The following BABAM2 variants were observed in gnomAD, a reference collection of about 807,000 sequenced individuals.
BABAM2 encodes the protein BRISC and BRCA1 A complex member 2.
In BABAM2, 31 loss-of-function variants were observed where a neutral mutation model predicts 54.7. That is an observed-to-expected ratio of 0.57 (90% CI 0.43 to 0.77). The LOEUF (loss-of-function observed/expected upper bound fraction) is 0.77, where lower values mean the gene tolerates loss of function less well. Among genes scored for constraint, BABAM2 ranks in the 30% least tolerant of loss-of-function variants. BABAM2 has a pLI of 0.00. For missense variants in BABAM2, 364 were observed against 455.8 expected, an observed-to-expected ratio of 0.80 and a Z score of 1.83; for synonymous variants, 167 against 162.9, an observed-to-expected ratio of 1.03 and a Z score of -0.19.
chr2:28,072,413 T>TCTCGCTCTGTCACC (rs1664236690), intron 6 of BABAM2, among the ~76,000 whole-genome samples: 1 of 147,476 alleles, frequency 6.8e-6, no homozygotes, highest in East Asian at 2.0e-4. Flanking sequence ...TGAGGCGGAG[T>TCTCGCTCTGTCACC]CTCGCTCTGT....
At chr2:27,919,034 T>G (rs1667178882) in intron 2 of BABAM2, among the ~76,000 whole-genome samples, 1 of 152,150 alleles carries the variant, frequency 6.6e-6, no homozygotes, top group Non-Finnish European at 1.5e-5. Flanking sequence ...CTCTGTTCAT[T>G]TATTTGTTTA....
At chr2:28,314,105 T>A (rs1572400195) in intron 11 of BABAM2, among the ~76,000 whole-genome samples, 1 of 152,194 alleles carries the variant, frequency 6.6e-6, no homozygotes, top group African/African-American at 2.4e-5. Context: ...TTTCTCAGAA[T>A]AAACAATGGG....
intron 7 of BABAM2, among the ~76,000 whole-genome samples, chr2:28,133,915 G>C (rs1030183651): frequency 2.6e-5 from 4 of 152,144 alleles, no homozygotes; most frequent in African/African-American, 9.7e-5. Flanking sequence ...GTTTGCCCAG[G>C]GTCGTGGAAT....
intron 6 of BABAM2, among the ~76,000 whole-genome samples, chr2:28,047,995 A>G (rs1677722279): frequency 6.6e-6 from 1 of 152,258 alleles, no homozygotes; most frequent in South Asian, 2.1e-4. Flanking sequence ...GAGCTGCTTT[A>G]CATATTATTT....
chr2:28,237,550 G>A (rs1171156894), intron 8 of BABAM2, among the ~76,000 whole-genome samples: 3 of 151,940 alleles, frequency 2.0e-5, no homozygotes, highest in South Asian at 2.1e-4. Flanking sequence ...TTAACTTTAT[G>A]TCTGGGATTT....
chr2:28,167,262 T>C (rs1673777544), intron 7 of BABAM2, among the ~76,000 whole-genome samples: 5 of 152,206 alleles, frequency 3.3e-5, no homozygotes, highest in African/African-American at 1.2e-4. Flanking sequence ...AGAAGGGACT[T>C]GGTGACCAAT....
intron 7 of BABAM2, among the ~76,000 whole-genome samples, chr2:28,134,110 C>T (rs1318041805): frequency 6.8e-6 from 1 of 147,216 alleles, no homozygotes; most frequent in Non-Finnish European, 1.5e-5. Flanking sequence ...TGGCCCTATA[C>T]ATTTGTCTTC....
chr2:28,090,962 T>C (rs1666110472), intron 6 of BABAM2, among the ~76,000 whole-genome samples: 1 of 152,242 alleles, frequency 6.6e-6, no homozygotes, highest in Non-Finnish European at 1.5e-5. Context: ...ACAAAAAATA[T>C]TTTCTTAACT....
chr2:27,959,278 A>G (rs547199213), intron 3 of BABAM2, among the ~76,000 whole-genome samples: 1 of 152,302 alleles, frequency 6.6e-6, no homozygotes, highest in Admixed American at 6.5e-5. Context: ...CAAGTTTTAG[A>G]CAGACAGTTT....
intron 7 of BABAM2, among the ~76,000 whole-genome samples, chr2:28,193,809 A>G (rs1329710156): frequency 6.6e-6 from 1 of 152,014 alleles, no homozygotes; most frequent in Non-Finnish European, 1.5e-5. Context: ...ATTTTATTCC[A>G]TTAATTTAGT....
chr2:28,004,274 C>T (rs1673793389), intron 4 of BABAM2, among the ~76,000 whole-genome samples: 1 of 152,164 alleles, frequency 6.6e-6, no homozygotes, highest in South Asian at 2.1e-4. Flanking sequence ...AAAACGCCAG[C>T]TCAGCCCTTA....
intron 3 of BABAM2, among the ~76,000 whole-genome samples, chr2:27,940,063 C>T (rs1374932648): frequency 1.3e-5 from 2 of 152,142 alleles, no homozygotes; most frequent in African/African-American, 4.8e-5. Context: ...AAAGAGAAGT[C>T]CTTGAATCTC....
At chr2:28,176,569 C>CAAAAAAAAA (rs778275011) in intron 7 of BABAM2, among the ~76,000 whole-genome samples, 209 of 5,038 alleles carry the variant, frequency 0.041, 93 homozygotes, top group Non-Finnish European at 0.055. Flanking sequence ...GACTCTATCT[C>CAAAAAAAAA]AAAAAAAAAA....
At chr2:27,931,349 TGAGA>T (rs1180786005) in intron 3 of BABAM2, among the ~76,000 whole-genome samples, 2 of 152,228 alleles carry the variant, frequency 1.3e-5, no homozygotes, top group Non-Finnish European at 2.9e-5. Context: ...TCCAGTTTCC[TGAGA>T]GAATCACTTG....
At chr2:28,026,674 G>A (rs948532824) in intron 5 of BABAM2, among the ~76,000 whole-genome samples, 16 of 141,530 alleles carry the variant, frequency 1.1e-4, no homozygotes, top group Non-Finnish European at 1.5e-5. Context: ...TGGCATGTGT[G>A]TACCTATGAA....
chr2:27,918,227 T>C (rs1023990274), intron 2 of BABAM2, among the ~76,000 whole-genome samples: 1 of 152,208 alleles, frequency 6.6e-6, no homozygotes, highest in Admixed American at 6.5e-5. Flanking sequence ...CATTAAACTA[T>C]AGCTTCCTAT....
chr2:28,281,642 G>A lies in BABAM2; in HGVS notation c.935-16696G>A, dbSNP rs114966284. ...GCAGGTTGTAACTTTTATTTCGGACGTGTAGTATAATTCTTCTCCAGTTAG... is the reference window on the plus strand; with the variant it reads ...GCAGGTTGTAACTTTTATTTCGGACATGTAGTATAATTCTTCTCCAGTTAG... On this transcript the variant is annotated intron_variant, in intron 10 of 11. Coordinates refer to ENST00000379624, the MANE Select transcript of BABAM2 (RefSeq NM_199191.3). Among the ~76,000 whole-genome samples, 1,088 of 152,322 alleles carry A rather than the reference G, an allele frequency of 7.1e-3. 8 individuals are homozygous for A. Among genetic ancestry groups the A allele is most frequent in the African/African-American group, 0.025 (1,030 of 41,570 alleles).
At chr2:27,953,662 T>C (rs1376832428) in intron 3 of BABAM2, among the ~76,000 whole-genome samples, 1 of 152,084 alleles carries the variant, frequency 6.6e-6, no homozygotes, top group Non-Finnish European at 1.5e-5. Flanking sequence ...AAAAAAATAT[T>C]TCTTTTTTTC....
chr2:28,220,522 CCTCTCT>C (rs34705365), intron 7 of BABAM2, among the ~76,000 whole-genome samples: 1 of 149,822 alleles, frequency 6.7e-6, no homozygotes, highest in East Asian at 1.9e-4. Context: ...TACCTTAGTG[CCTCTCT>C]CTCTCTCTCT....
Sources: allele counts gnomAD v4.1 joint callset (sites outside exome capture counted in the v4.1 genomes callset), GRCh38; gene constraint gnomAD v4.1.1; transcripts MANE v1.5; gene names NCBI Gene and HGNC (gene_info 2026-07-23, HGNC 2026-07-21).